Variants in YLPM1 observed in about 807,000 individuals in gnomAD.
The protein encoded by YLPM1 is YLP motif-containing protein 1.
Under a neutral mutation model 230.0 loss-of-function variants are expected in YLPM1, and 99 were observed. The ratio of observed to expected loss-of-function variants is 0.43; its 90% CI spans 0.37 to 0.51. YLPM1 has a LOEUF of 0.51. Ranked by LOEUF, YLPM1 falls within the 20% of genes least tolerant of loss-of-function variation. The pLI, the probability that YLPM1 is intolerant of heterozygous loss-of-function variation, is 0.00. For missense variants in YLPM1, 2,592 were observed against 2,707.7 expected (o/e 0.96, Z 0.95); for synonymous variants, 984 against 942.5 (o/e 1.04, Z -0.81).
At chr14:74,800,185 A>T (rs2091311532) in intron 5 of YLPM1, among the ~76,000 whole-genome samples, 1 of 152,224 alleles carries the variant, frequency 6.6e-6, no homozygotes, top group Non-Finnish European at 1.5e-5. Flanking sequence ...TTAACTATTG[A>T]TACTTTCTTT....
Position 74,798,133 on chromosome 14 carries a change from C to A in YLPM1, c.2836C>A (p.Pro946Thr). 2 of 1,613,894 alleles carry A rather than the reference C, an allele frequency of 1.2e-6. No homozygotes were observed. The highest frequency in any genetic ancestry group is 1.7e-6 in the Non-Finnish European group (2 of 1,179,888). Residue 946 changes from proline (P) to threonine (T), a missense_variant, in exon 5 of 21, where the codon CCC (proline) becomes ACC (threonine). Coordinates refer to ENST00000325680, the MANE Select transcript of YLPM1 (RefSeq NM_019589.3). ...AGCCCAAGCTGTTACTCAGCCTGTACCCCTTGCGAATAAGCCTGTACCTGC... is the reference window on the plus strand; with the variant it reads ...AGCCCAAGCTGTTACTCAGCCTGTAACCCTTGCGAATAAGCCTGTACCTGC... The part of the protein sequence containing the change: ...DKAQAVTQPV[P>T]LANKPVPAQS...
intron 1 of YLPM1, among the ~76,000 whole-genome samples, chr14:74,768,663 C>G (rs1249104876): frequency 1.3e-5 from 2 of 152,186 alleles, no homozygotes; most frequent in African/African-American, 4.8e-5. Flanking sequence ...TGTTTAAATA[C>G]TTACGGACTA....
chr14:74,798,604 A>T lies in YLPM1; in HGVS notation c.3307A>T (p.Arg1103Trp), dbSNP rs756521408. The change falls in exon 5 of 21, where the codon AGG (arginine) becomes TGG (tryptophan). Residue 1103 changes from arginine to tryptophan, a missense_variant. Physicochemically the swap from Arg to Trp is moderately radical, Grantham distance 101. Transcript: ENST00000325680. ...AGGTGGTCTTCAAGGGAGCCAGGAC[A>T]GGGGTGCAGCTGGCAGCCGAGAAAG... ...VPGGLQGSQD[R>W]GAAGSRERGP... 19 of 1,612,754 alleles carry T rather than the reference A, an allele frequency of 1.2e-5. No individual in the cohort carries two copies. The highest frequency in any genetic ancestry group is 1.5e-5 in the Non-Finnish European group (18 of 1,179,200).
intron 1 of YLPM1, among the ~76,000 whole-genome samples, chr14:74,765,708 A>G (rs2090905321): frequency 6.6e-6 from 1 of 152,248 alleles, no homozygotes; most frequent in Non-Finnish European, 1.5e-5. Flanking sequence ...TTACAGAGAG[A>G]CAAAATAATT....
chr14:74,802,642 T>G lies in YLPM1; in HGVS notation c.4487T>G (p.Leu1496Trp), dbSNP rs1251435259. 12 of 1,613,084 alleles carry G rather than the reference T, an allele frequency of 7.4e-6. No homozygotes were observed. Among genetic ancestry groups the G allele is most frequent in the East Asian group, 2.2e-5 (1 of 44,824 alleles). ...ADHLPPQESR[L>W]QNTSSRPGMY... ...CATCTACCACCTCAGGAATCAAGAT[T>G]GCAGAATACATCTTCAAGACCTGGA... Residue 1496 changes from leucine to tryptophan, a missense_variant, in exon 6 of 21, where the codon TTG becomes TGG. Coordinates refer to ENST00000325680, the MANE Select transcript of YLPM1 (RefSeq NM_019589.3).
At chr14:74,794,824 A>AAC (rs2091243755) in intron 4 of YLPM1, among the ~76,000 whole-genome samples, 1 of 152,156 alleles carries the variant, frequency 6.6e-6, no homozygotes, top group South Asian at 2.1e-4. Flanking sequence ...AGGAAGAAAT[A>AAC]TTTGTAACTA....
chr14:74,782,407 G>T, intron 4 of YLPM1, 82 bp downstream of exon 4: 1 of 1,415,840 alleles, frequency 7.1e-7, no homozygotes, highest in Non-Finnish European at 9.3e-7. Context: ...GGTATAAAAA[G>T]CTTCATTTAT....
intron 11 of YLPM1, among the ~76,000 whole-genome samples, chr14:74,815,972 C>T (rs570262174): frequency 2.6e-5 from 4 of 151,816 alleles, no homozygotes; most frequent in African/African-American, 4.8e-5. Flanking sequence ...TTAGTTTTCA[C>T]GTATTTGTGA....
chr14:74,802,784 A>G (rs938502495), intron 6 of YLPM1, 108 bp downstream of exon 6: 2 of 1,372,672 alleles, frequency 1.5e-6, no homozygotes, highest in Non-Finnish European at 1.9e-6. Flanking sequence ...CCTCTATAAA[A>G]TGTAAATTTT....
Position 74,798,081 on chromosome 14 carries a change from T to C in YLPM1, c.2784T>C (p.Val928=). The C allele has an allele frequency of 6.2e-7, 1 of 1,613,912 alleles. No homozygotes were observed. The highest frequency in any genetic ancestry group is 1.1e-5 in the South Asian group (1 of 91,078). ...AGCCCTCTAATTGGGACCAGAATGT[T>C]CAAAGTATGGAGACTCAAATCGACA... ...PVEPSNWDQN[V]QSMETQIDKA... The change falls in exon 5 of 21, where the codon GTT becomes GTC. Residue 928 remains valine, a synonymous_variant. Transcript: ENST00000325680.
In YLPM1 at chr14:74,802,595, G is replaced by A. The variant is rs2091338944; in HGVS notation, c.4440G>A (p.Gly1480=). 6.2e-7 allele frequency: 1 copy of A among 1,613,324 alleles called. No individual in the cohort carries two copies. Among genetic ancestry groups the A allele is most frequent in the Non-Finnish European group, 8.5e-7 (1 of 1,179,650 alleles). The part of the protein sequence containing the change: ...KEQLQKMKDF[G]SEPQMADHLP... ...AGCTTCAAAAGATGAAAGACTTCGG[G>A]TCTGAGCCACAGATGGCTGACCATC... The change falls in exon 6 of 21, where the codon GGG becomes GGA. Residue 1480 remains glycine, a synonymous_variant. Transcript: ENST00000325680.
At chr14:74,797,434 A>C (rs1055746485) in intron 4 of YLPM1, 146 bp from the exon 5 acceptor site, 3 of 670,776 alleles carry the variant, frequency 4.5e-6, no homozygotes, top group African/African-American at 3.6e-5. Flanking sequence ...GTTCTAAGAT[A>C]TTGGTGACTC....
In YLPM1 at chr14:74,810,375, A is replaced by G; in HGVS notation, c.5183A>G (p.Tyr1728Cys). ...DRDRDRGVID[Y>C]DRDRFDRERR... ...GACCGGGATCGTGGTGTTATTGACTATGACCGGGATCGATTTGACAGAGAA... is the reference window on the plus strand; with the variant it reads ...GACCGGGATCGTGGTGTTATTGACTGTGACCGGGATCGATTTGACAGAGAA... The change falls in exon 9 of 21, where the codon TAT becomes TGT. Residue 1728 changes from tyrosine to cysteine, a missense_variant. Around this residue, in one of 4 missense-constraint regions of YLPM1, gnomAD observed 403 missense variants for 426.7 expected, o/e 0.94. Transcript: ENST00000325680. The G allele has an allele frequency of 2.5e-6, 4 of 1,613,860 alleles. No homozygotes were observed. Among genetic ancestry groups the G allele is most frequent in the Non-Finnish European group, 3.4e-6 (4 of 1,179,846 alleles).
chr14:74,773,990 G>A (rs2091006834), intron 1 of YLPM1, among the ~76,000 whole-genome samples: 1 of 151,816 alleles, frequency 6.6e-6, no homozygotes, highest in Non-Finnish European at 1.5e-5. Context: ...CAAAGTACTG[G>A]GATTACAGGC....
intron 12 of YLPM1, 63 bp from the exon 13 acceptor site, chr14:74,816,508 T>C: frequency 4.5e-6 from 7 of 1,541,720 alleles, no homozygotes; most frequent in Non-Finnish European, 6.1e-6. Context: ...AGAGGGAACT[T>C]TGGTGTGAAC....
Position 74,787,124 on chromosome 14 carries a change from C to T in YLPM1, c.2282+4799C>T, listed in dbSNP as rs570647533. 7.0e-4 allele frequency among the ~76,000 whole-genome samples: 107 copies of T among 152,186 alleles called. 1 individual carries two copies. Among genetic ancestry groups the T allele is most frequent in the African/African-American group, 2.5e-3 (102 of 41,524 alleles). ...TCTTTTATGAAATGCTGATTCAAGT[C>T]TTTTTCCCATTTTTTGACTAGGTTT... On this transcript the variant is annotated intron_variant, in intron 4 of 20. Transcript: ENST00000325680.
chr14:74,768,144 A>G (rs1335519627), intron 1 of YLPM1, among the ~76,000 whole-genome samples: 1 of 152,136 alleles, frequency 6.6e-6, no homozygotes, highest in East Asian at 1.9e-4. Flanking sequence ...CAGATATTTG[A>G]TTGGAAATAC....
intron 1 of YLPM1, among the ~76,000 whole-genome samples, chr14:74,775,694 G>C (rs2091029219): frequency 6.6e-6 from 1 of 152,158 alleles, no homozygotes; most frequent in Non-Finnish European, 1.5e-5. Context: ...ATAAACTATA[G>C]ATTGGGTTTC....
intron 1 of YLPM1, among the ~76,000 whole-genome samples, chr14:74,769,504 C>T (rs1594806411): frequency 6.6e-6 from 1 of 151,830 alleles, no homozygotes; most frequent in Non-Finnish European, 1.5e-5. Flanking sequence ...CTAGGCTGGT[C>T]TCGAACTCCT....
Sources: gnomAD v4.1 joint callset for allele counts (sites outside exome capture counted in the v4.1 genomes callset) on GRCh38, gnomAD v4.1.1 for gene constraint, gnomAD v4.1.1 regional missense constraint, MANE v1.5 for transcripts, NCBI Gene and HGNC (gene_info 2026-07-23, HGNC 2026-07-21) for gene names.